Variants in FUT8 observed in about 807,000 individuals in gnomAD.
The protein encoded by FUT8 is alpha-(1,6)-fucosyltransferase.
FUT8 carries 29 observed loss-of-function variants against 71.3 expected under a neutral mutation model. The observed-to-expected ratio is 0.41, with a 90% confidence interval of 0.30 to 0.55. The LOEUF is 0.55. Ranked by LOEUF, FUT8 falls within the 20% of genes least tolerant of loss-of-function variation. The pLI is 0.34. For synonymous variants in FUT8, 254 were observed against 239.3 expected (o/e 1.06, Z -0.57); for missense variants, 544 against 702.1 (o/e 0.77, Z 2.55).
chr14:65,367,440 GC>G, the FUT8 span, among the ~76,000 whole-genome samples: 1 of 152,288 alleles, frequency 6.6e-6, no homozygotes, highest in Non-Finnish European at 1.5e-5. Flanking sequence ...CCAGCACTGA[GC>G]AACTACCCTT....
chr14:65,684,180 T>C, intron 7 of FUT8, among the ~76,000 whole-genome samples: 1 of 152,214 alleles, frequency 6.6e-6, no homozygotes, highest in Middle Eastern at 3.4e-3. Flanking sequence ...AACTATAATA[T>C]ACCCTTAAAT....
rs1422449656 is a variant in FUT8, at chr14:65,607,667, T to C, written c.204-8311T>C. Among the ~76,000 whole-genome samples, 2 of 151,928 alleles carry C rather than the reference T, an allele frequency of 1.3e-5. 1 individual carries two copies. Among genetic ancestry groups the C allele is most frequent in the Non-Finnish European group, 2.9e-5 (2 of 67,924 alleles). ...TTATCCTTGTCTACTTCTATATCAA[T>C]CTTATACTAATCTCAGGAATGGAAT... On this transcript the variant is annotated intron_variant, in intron 3 of 10. Coordinates refer to ENST00000673929, the MANE Select transcript of FUT8 (RefSeq NM_001371533.1). This position sits in a 1 kb window ranked among gnomAD's most constrained non-coding sequence, Gnocchi z 4.1.
chr14:65,455,033 A>G (rs1289964648), intron 1 of FUT8, among the ~76,000 whole-genome samples: 1 of 152,180 alleles, frequency 6.6e-6, no homozygotes, highest in Non-Finnish European at 1.5e-5. Context: ...CTGGATTTTG[A>G]GAAAGTTGAT....
intron 7 of FUT8, among the ~76,000 whole-genome samples, chr14:65,695,551 C>G (rs931642062): frequency 2.6e-5 from 4 of 152,090 alleles, no homozygotes; most frequent in Admixed American, 6.5e-5. Flanking sequence ...TAGAGCTACT[C>G]TAGCTTTCTT....
chr14:65,589,050 C>G (rs551091912), intron 3 of FUT8, among the ~76,000 whole-genome samples: 5 of 152,264 alleles, frequency 3.3e-5, no homozygotes, highest in Admixed American at 3.3e-4. Flanking sequence ...TCCTCTTTCC[C>G]CTACTCCCTC....
rs34026328 is a variant in FUT8, at chr14:65,641,753, G to GT, written c.597+12159dup. ...CATGGTTTTTTTTTGTGTGTATGTG[G>GT]TTTTTTTTTTTTCATTTTCCTGTAA... On this transcript the variant is annotated intron_variant, in intron 6 of 10. Coordinates refer to ENST00000673929, the MANE Select transcript of FUT8 (RefSeq NM_001371533.1). 4.1e-3 allele frequency among the ~76,000 whole-genome samples: 572 copies of GT among 140,572 alleles called. 4 individuals are homozygous for GT. The highest frequency in any genetic ancestry group is 0.012 in the African/African-American group (462 of 38,202). 92.2% of individuals were successfully genotyped at this position (140,572 alleles called of 152,430 possible). A position where few individuals can be genotyped will look rare whatever the true frequency, so the allele number is the denominator to read the frequency against.
chr14:65,450,408 C>G (rs2065804019), intron 1 of FUT8, among the ~76,000 whole-genome samples: 1 of 152,128 alleles, frequency 6.6e-6, no homozygotes, highest in Admixed American at 6.5e-5. Flanking sequence ...CTCCTGAAAA[C>G]TTATACTTAT....
chr14:65,605,229 A>G (rs182217844), intron 3 of FUT8, among the ~76,000 whole-genome samples: 82 of 152,044 alleles, frequency 5.4e-4, no homozygotes, highest in African/African-American at 1.8e-3. Context: ...TGCATTTTCA[A>G]CTTTGGAGCA....
At chr14:65,369,759 C>A in the FUT8 span, among the ~76,000 whole-genome samples, 3 of 152,154 alleles carry the variant, frequency 2.0e-5, no homozygotes, top group East Asian at 5.8e-4. This position sits in a 1 kb window ranked among gnomAD's most constrained non-coding sequence, Gnocchi z 4.6. Context: ...CAGGAAGTGC[C>A]CACTCCTTTC....
chr14:65,677,154 G>GCGCGCGCGCGCA (rs1555383288), intron 7 of FUT8, among the ~76,000 whole-genome samples: 3 of 109,332 alleles, frequency 2.7e-5, no homozygotes, highest in African/African-American at 4.5e-5. Flanking sequence ...GTGTGTGTGC[G>GCGCGCGCGCGCA]CGCGCGCATG....
intron 2 of FUT8, among the ~76,000 whole-genome samples, chr14:65,504,496 G>T (rs1386738837): frequency 2.6e-5 from 4 of 152,172 alleles, no homozygotes; most frequent in African/African-American, 9.7e-5. Flanking sequence ...CTTCATAATT[G>T]TCATGTGGTT....
In FUT8 at chr14:65,561,637, T is replaced by C; in HGVS notation, c.74T>C (p.Ile25Thr). Residue 25 changes from isoleucine (I) to threonine (T), a missense_variant, in exon 3 of 11, where the codon ATA (isoleucine) becomes ACA (threonine). Physicochemically the swap from Ile to Thr is moderately conservative, Grantham distance 89. Transcript: ENST00000673929. ...LFAWGTLLFYIGGHLVRDNDH... is the reference protein window; with the variant it reads ...LFAWGTLLFYTGGHLVRDNDH... The stretch of plus-strand genomic sequence containing the variant: ...GCCTGGGGGACCTTGCTGTTTTATA[T>C]AGGTGGTCACTTGGTACGAGATAAT... The C allele has an allele frequency of 6.2e-7, 1 of 1,613,606 alleles. No homozygotes were observed. Among genetic ancestry groups the C allele is most frequent in the Non-Finnish European group, 8.5e-7 (1 of 1,179,618 alleles).
At chr14:65,380,398 C>T in the FUT8 span, among the ~76,000 whole-genome samples, 1 of 152,062 alleles carries the variant, frequency 6.6e-6, no homozygotes, top group African/African-American at 2.4e-5. Context: ...GGGACACAGC[C>T]AAACTGTATC....
rs547658251 is a variant in FUT8, at chr14:65,633,435, C to T, written c.597+3829C>T. On this transcript the variant is annotated intron_variant, in intron 6 of 10. Transcript: ENST00000673929. ...GCCGAGATTGCAGCCTCTGCCTGGCCGCCACCCCGTCTGGGATGTGAGGAG... is the reference window on the plus strand; with the variant it reads ...GCCGAGATTGCAGCCTCTGCCTGGCTGCCACCCCGTCTGGGATGTGAGGAG... Among the ~76,000 whole-genome samples, 186 of 152,224 alleles carry T rather than the reference C, an allele frequency of 1.2e-3. 1 individual carries two copies. The highest frequency in any genetic ancestry group is 4.4e-3 in the African/African-American group (181 of 41,540).
At chr14:65,618,051 A>ATATATATATATATG (rs1555376254) in intron 5 of FUT8, among the ~76,000 whole-genome samples, 13 of 84,270 alleles carry the variant, frequency 1.5e-4, no homozygotes, top group East Asian at 3.1e-4. Flanking sequence ...ATATATATAT[A>ATATATATATATATG]TATGTATGTA....
intron 1 of FUT8, among the ~76,000 whole-genome samples, chr14:65,431,059 G>A (rs1158309230): frequency 1.4e-5 from 2 of 147,122 alleles, no homozygotes; most frequent in Non-Finnish European, 3.0e-5. Context: ...GCAGTGGCGC[G>A]ATCTCGGCTC....
intron 10 of FUT8, among the ~76,000 whole-genome samples, chr14:65,741,648 A>G (rs1282661457): frequency 1.3e-5 from 2 of 152,044 alleles, no homozygotes; most frequent in Non-Finnish European, 2.9e-5. Flanking sequence ...TGTATGAAGG[A>G]AAGGGACCAT....
rs190403647 is a variant in FUT8, at chr14:65,587,101, A to G, written c.203+25335A>G. Among the ~76,000 whole-genome samples the G allele has an allele frequency of 3.2e-4, 48 of 151,862 alleles. No homozygotes were observed. In the Middle Eastern group the frequency reaches 0.02, roughly 65 times the overall value. On this transcript the variant is annotated intron_variant, in intron 3 of 10. Transcript: ENST00000673929. Reference sequence around the variant, plus strand: ...CTACTCGGGATGCTGAGGCAGGGGAATGGTGTGAACCCGGGAGGCGGAGCT... The same window carrying G: ...CTACTCGGGATGCTGAGGCAGGGGAGTGGTGTGAACCCGGGAGGCGGAGCT...
intron 6 of FUT8, among the ~76,000 whole-genome samples, chr14:65,653,585 A>G (rs540678089): frequency 5.6e-4 from 86 of 152,356 alleles, no homozygotes; most frequent in African/African-American, 1.9e-3. Flanking sequence ...CTGAAAACTG[A>G]AAACAATGAA....
Sources: allele counts gnomAD v4.1 joint callset (sites outside exome capture counted in the v4.1 genomes callset), GRCh38; gene constraint gnomAD v4.1.1; non-coding constraint Gnocchi (gnomAD v3.1); transcripts MANE v1.5; gene names NCBI Gene and HGNC (gene_info 2026-07-23, HGNC 2026-07-21).